The following ZMYM2 variants were observed in gnomAD, a reference collection of about 807,000 sequenced individuals.
ZMYM2 encodes zinc finger MYM-type containing 2, also known as zinc finger MYM-type protein 2.
A neutral mutation model predicts 162.8 loss-of-function variants in ZMYM2; 56 were observed. The observed-to-expected ratio is 0.34, with a 90% CI of 0.28 to 0.43. The LOEUF (loss-of-function observed/expected upper bound fraction) is 0.43, where lower values mean the gene tolerates loss of function less well. ZMYM2 is among the 20% of genes least tolerant of loss of function. ZMYM2 has a pLI of 1.00. For missense variants in ZMYM2, 1,275 were observed against 1,621.8 expected (o/e 0.79, Z 3.67); for synonymous variants, 510 against 541.6 (o/e 0.94, Z 0.81).
At chr13:19,879,161 TG>T in the ZMYM2 span, among the ~76,000 whole-genome samples, 1 of 152,200 alleles carries the variant, frequency 6.6e-6, no homozygotes, top group Non-Finnish European at 1.5e-5. Flanking sequence ...AGTTAATTTT[TG>T]TGTGTATTAT....
chr13:19,926,331 G>A, the ZMYM2 span, among the ~76,000 whole-genome samples: 5 of 151,144 alleles, frequency 3.3e-5, no homozygotes, highest in Non-Finnish European at 3.0e-5. Flanking sequence ...GTTTTTTGCG[G>A]GGGTGAGTGG....
the ZMYM2 span, among the ~76,000 whole-genome samples, chr13:19,865,252 CA>C: frequency 2.6e-5 from 4 of 152,086 alleles, no homozygotes; most frequent in Non-Finnish European, 5.9e-5. Flanking sequence ...ACCAAAACGC[CA>C]AAAAAATCTC....
intron 8 of ZMYM2, 50 bp from the exon 9 acceptor site, chr13:20,027,153 C>T: frequency 3.6e-6 from 5 of 1,376,982 alleles, no homozygotes; most frequent in Non-Finnish European, 4.9e-6. Context: ...GATAAAAAAA[C>T]TTTTTTATTA....
chr13:20,085,970 A>G lies in ZMYM2; in HGVS notation c.4090A>G (p.Ile1364Val), dbSNP rs1344539617. 1 of 1,613,706 alleles carries G rather than the reference A, an allele frequency of 6.2e-7. No individual in the cohort carries two copies. Among genetic ancestry groups the G allele is most frequent in the Non-Finnish European group, 8.5e-7 (1 of 1,179,722 alleles). Residue 1364 changes from isoleucine (I) to valine (V), a missense_variant, in exon 25 of 25, where the codon ATT (isoleucine) becomes GTT (valine). By Grantham distance (29) the Ile-to-Val change is conservative (BLOSUM62 3). Around this residue, in one of 10 missense-constraint regions of ZMYM2, gnomAD observed 69 missense variants for 78.4 expected, o/e 0.88. Transcript: ENST00000610343. Reference sequence around the variant, plus strand: ...TGTACGGGTTCTTCTAGTAAAAGATATTTATGATAAAGACAATTATGAACT... The same window carrying G: ...TGTACGGGTTCTTCTAGTAAAAGATGTTTATGATAAAGACAATTATGAACT... Reference protein sequence around the residue: ...MLVRVLLVKDIYDKDNYELDE... With the variant: ...MLVRVLLVKDVYDKDNYELDE...
intron 21 of ZMYM2, among the ~76,000 whole-genome samples, chr13:20,073,392 A>T (rs1241519492): frequency 1.3e-5 from 2 of 152,178 alleles, no homozygotes; most frequent in Non-Finnish European, 2.9e-5. Flanking sequence ...CTTAGCTCAT[A>T]GGTTTGTGGG....
chr13:20,014,013 G>A (rs911629506), intron 6 of ZMYM2, among the ~76,000 whole-genome samples: 2 of 152,052 alleles, frequency 1.3e-5, no homozygotes, highest in African/African-American at 4.8e-5. Context: ...TTCTTTAAAT[G>A]TTTGGTAGAA....
chr13:20,038,271 G>A (rs1279376488), intron 12 of ZMYM2, among the ~76,000 whole-genome samples: 1 of 152,136 alleles, frequency 6.6e-6, no homozygotes, highest in Non-Finnish European at 1.5e-5. Context: ...TGCTTTTTCT[G>A]TGCAGAAGCT....
At chr13:19,878,211 C>A in the ZMYM2 span, among the ~76,000 whole-genome samples, 1 of 152,020 alleles carries the variant, frequency 6.6e-6, no homozygotes, top group African/African-American at 2.4e-5. Flanking sequence ...CACCACCACA[C>A]CCAGCTAATT....
the ZMYM2 span, among the ~76,000 whole-genome samples, chr13:19,906,299 T>TATATATATATAC: frequency 1.8e-3 from 190 of 102,810 alleles, 5 homozygotes; most frequent in African/African-American, 6.6e-3. Flanking sequence ...TATATATATA[T>TATATATATATAC]ATATATATAT....
At chr13:20,024,919 C>T (rs1218069055) in intron 7 of ZMYM2, 1 of 215,982 alleles carries the variant, frequency 4.6e-6, no homozygotes, top group Admixed American at 5.8e-5. Flanking sequence ...AGGAAGTAGG[C>T]AGCGTAAGTG....
Position 19,976,906 on chromosome 13 carries a change from A to G in ZMYM2, c.-10-16157A>G, listed in dbSNP as rs149504441. ...GCTATTATCATAGAGTTTTGTGTCTATCTCTCCTTTTAATTCTGGTAATTT... is the reference window on the plus strand; with the variant it reads ...GCTATTATCATAGAGTTTTGTGTCTGTCTCTCCTTTTAATTCTGGTAATTT... On this transcript the variant is annotated intron_variant, in intron 2 of 24. Transcript: ENST00000610343. Among the ~76,000 whole-genome samples, 76 of 152,218 alleles carry G rather than the reference A, an allele frequency of 5.0e-4. 1 individual carries two copies. The highest frequency in any genetic ancestry group is 4.1e-3 in the Admixed American group (63 of 15,280).
chr13:19,927,026 T>A, the ZMYM2 span, among the ~76,000 whole-genome samples: 1 of 152,256 alleles, frequency 6.6e-6, no homozygotes, highest in Non-Finnish European at 1.5e-5. Context: ...CTTCTTGAAC[T>A]AGTTTTGATA....
At chr13:20,018,344 G>A (rs1951790206) in intron 6 of ZMYM2, among the ~76,000 whole-genome samples, 1 of 152,016 alleles carries the variant, frequency 6.6e-6, no homozygotes, top group Non-Finnish European at 1.5e-5. Flanking sequence ...AAATAAATAG[G>A]TGGGAGTCCA....
chr13:20,058,556 T>A lies in ZMYM2; in HGVS notation c.2494-19T>A. On this transcript the variant is annotated intron_variant, in intron 14 of 24. Transcript: ENST00000610343. ...AATTAGACATAAAAATAAAAATGTT[T>A]CTCTTTGCTTCTCCATAGGGTTCAG... 1 of 1,598,858 alleles carries A rather than the reference T, an allele frequency of 6.3e-7. No individual in the cohort carries two copies. Among genetic ancestry groups the A allele is most frequent in the Non-Finnish European group, 8.5e-7 (1 of 1,175,398 alleles).
intron 2 of ZMYM2, among the ~76,000 whole-genome samples, chr13:19,983,175 C>G (rs559959074): frequency 1.4e-5 from 2 of 146,664 alleles, no homozygotes; most frequent in Admixed American, 1.4e-4. Flanking sequence ...GACGGAGTCT[C>G]ATTCTGTTGC....
chr13:19,989,265 A>T (rs1949417940), intron 2 of ZMYM2, among the ~76,000 whole-genome samples: 1 of 152,104 alleles, frequency 6.6e-6, no homozygotes, highest in African/African-American at 2.4e-5. Context: ...TTTTGTGGGT[A>T]CACTGTAGGT....
At position 19,993,078 on chromosome 13, in the gene ZMYM2, C is replaced by T. The variant is rs748096082; in HGVS notation, c.6C>T (p.Asp2=). M[D]TSSVGGLELT... ...TTCCTAACAGGTTCTTTGGCATGGA[C>T]ACAAGTTCAGTGGGAGGATTAGAAT... is the stretch of plus-strand genomic sequence containing the variant. The change falls in exon 3 of 25, where the codon GAC becomes GAT. Residue 2 remains aspartate (D), a synonymous_variant. Transcript: ENST00000610343. 4 of 1,597,478 alleles carry T rather than the reference C, an allele frequency of 2.5e-6. No individual in the cohort carries two copies. Among genetic ancestry groups the T allele is most frequent in the Non-Finnish European group, 2.6e-6 (3 of 1,173,160 alleles).
rs997086651 is a variant in ZMYM2, at chr13:20,085,815, T to A, written c.3942-7T>A. ...GACTTTTTCTCTTTTTCCTCCCGCCTCCAAAGTCCACAGAATCTTAATCAG... is the reference window on the plus strand; with the variant it reads ...GACTTTTTCTCTTTTTCCTCCCGCCACCAAAGTCCACAGAATCTTAATCAG... On this transcript the variant is annotated splice_polypyrimidine_tract_variant and splice_region_variant and intron_variant, in intron 24 of 24. Coordinates refer to ENST00000610343, the MANE Select transcript of ZMYM2 (RefSeq NM_197968.4). 1.0e-5 allele frequency: 16 copies of A among 1,577,622 alleles called. No homozygotes were observed. Among genetic ancestry groups the A allele is most frequent in the African/African-American group, 1.4e-5 (1 of 73,118 alleles).
At chr13:19,910,747 C>T in the ZMYM2 span, among the ~76,000 whole-genome samples, 6 of 152,168 alleles carry the variant, frequency 3.9e-5, no homozygotes, top group South Asian at 8.3e-4. Context: ...TGGGAAATTA[C>T]TGCCACTAAA....
Sources: gnomAD v4.1 joint callset for allele counts (sites outside exome capture counted in the v4.1 genomes callset) on GRCh38, gnomAD v4.1.1 for gene constraint, gnomAD v4.1.1 regional missense constraint, MANE v1.5 for transcripts, NCBI Gene and HGNC (gene_info 2026-07-23, HGNC 2026-07-21) for gene names.